CHRM2: variants seen among roughly 807,000 people sequenced by gnomAD.
CHRM2 encodes the protein cholinergic receptor muscarinic 2, also known as muscarinic acetylcholine receptor M2.
CHRM2 carries 8 observed loss-of-function variants against 25.0 expected under a neutral mutation model. The ratio of observed to expected loss-of-function variants is 0.32; its 90% CI spans 0.19 to 0.58. CHRM2 has a LOEUF of 0.58. Among genes scored for constraint, CHRM2 ranks in the 20% least tolerant of loss-of-function variants. The probability of loss-of-function intolerance (pLI) is 0.88; values close to 1 mark genes in which losing one functional copy is unlikely to be tolerated. For synonymous variants in CHRM2, 202 were observed against 205.7 expected, an observed-to-expected ratio of 0.98 and a Z score of 0.15; for missense variants, 440 against 567.1, an observed-to-expected ratio of 0.78 and a Z score of 2.28.
At chr7:136,902,192 T>C in intron 2 of CHRM2, 1 of 146,398 alleles carries the variant, frequency 6.8e-6, no homozygotes, top group East Asian at 1.9e-4. Flanking sequence ...TAAACTCATC[T>C]ATCTATCTAT....
At chr7:136,889,047 CAAAAA>C (rs56915229) in intron 2 of CHRM2, among the ~76,000 whole-genome samples, 4,791 of 66,062 alleles carry the variant, frequency 0.073, 93 homozygotes, top group Non-Finnish European at 0.089. Flanking sequence ...GACTACATCT[CAAAAA>C]AAAAAAAAAA....
chr7:136,879,203 A>G (rs1357637601), intron 2 of CHRM2, among the ~76,000 whole-genome samples: 1 of 152,000 alleles, frequency 6.6e-6, no homozygotes, highest in African/African-American at 2.4e-5. Flanking sequence ...ATATTTATTG[A>G]TGTTTATATA....
chr7:136,941,222 T>C (rs1179853298), intron 2 of CHRM2, among the ~76,000 whole-genome samples: 1 of 152,192 alleles, frequency 6.6e-6, no homozygotes, highest in Non-Finnish European at 1.5e-5. Context: ...GCTTCTTCCA[T>C]GGTATGCAGG....
chr7:136,954,158 T>C (rs1443969093), intron 2 of CHRM2, among the ~76,000 whole-genome samples: 1 of 152,148 alleles, frequency 6.6e-6, no homozygotes, highest in Non-Finnish European at 1.5e-5. Context: ...CCATCTAGAT[T>C]CTTCTCTCCT....
At chr7:136,879,843 G>A (rs1270696934) in intron 2 of CHRM2, among the ~76,000 whole-genome samples, 2 of 151,680 alleles carry the variant, frequency 1.3e-5, no homozygotes, top group Non-Finnish European at 2.9e-5. Context: ...AAAGAAAGGC[G>A]GCCATCTTTA....
intron 2 of CHRM2, among the ~76,000 whole-genome samples, chr7:136,991,249 T>G (rs893795812): frequency 3.3e-5 from 5 of 152,174 alleles, no homozygotes; most frequent in African/African-American, 1.2e-4. Context: ...CTTCTAGGAT[T>G]TTTATAGCTT....
At chr7:136,917,209 T>C (rs1049027102) in intron 2 of CHRM2, among the ~76,000 whole-genome samples, 1 of 151,912 alleles carries the variant, frequency 6.6e-6, no homozygotes, top group Non-Finnish European at 1.5e-5. Context: ...CGCTTACTAT[T>C]AATACCTGCT....
rs199607194 is a variant in CHRM2, at chr7:136,921,793, TC to T, written c.-125+52376del. On this transcript the variant is annotated intron_variant, in intron 2 of 3. Transcript: ENST00000680005. The stretch of plus-strand genomic sequence containing the variant: ...TTCTTTCTTTCTTTCTTTCTTTCTT[TC>T]TTTTTTTTGAGACAGATTCTCACTC... 5.2e-3 allele frequency among the ~76,000 whole-genome samples: 749 copies of T among 142,968 alleles called. 17 individuals carry two copies. The highest frequency in any genetic ancestry group is 0.017 in the African/African-American group (660 of 39,958). The allele number at this position is 142,968 out of a possible 152,430, so 93.8% of individuals were successfully genotyped here.
intron 3 of CHRM2, among the ~76,000 whole-genome samples, chr7:136,992,628 A>C (rs1225195448): frequency 6.6e-6 from 1 of 152,188 alleles, no homozygotes; most frequent in African/African-American, 2.4e-5. Flanking sequence ...CTTAATGATG[A>C]ATTTCCTCTA....
At chr7:136,911,879 C>T (rs925738743) in intron 2 of CHRM2, among the ~76,000 whole-genome samples, 8 of 151,870 alleles carry the variant, frequency 5.3e-5, no homozygotes, top group African/African-American at 9.7e-5. Flanking sequence ...CTTTTTCCAT[C>T]GATTCCATTG....
intron 3 of CHRM2, among the ~76,000 whole-genome samples, chr7:137,001,750 G>A (rs760116026): frequency 6.6e-6 from 1 of 152,118 alleles, no homozygotes; most frequent in Non-Finnish European, 1.5e-5. Flanking sequence ...ACCTGGTTAC[G>A]ACCCCTGAAT....
intron 2 of CHRM2, chr7:136,903,364 C>CT: frequency 1.0e-5 from 4 of 387,408 alleles, no homozygotes; most frequent in South Asian, 8.7e-5. Flanking sequence ...AAAAGGAAGT[C>CT]TTACTCTTCC....
At chr7:136,895,905 A>G (rs1796877782) in intron 2 of CHRM2, among the ~76,000 whole-genome samples, 1 of 152,134 alleles carries the variant, frequency 6.6e-6, no homozygotes, top group Non-Finnish European at 1.5e-5. Context: ...AGCTTGGGAT[A>G]TATTTGGTGT....
chr7:136,886,722 T>C (rs1048097161), intron 2 of CHRM2, among the ~76,000 whole-genome samples: 1 of 151,376 alleles, frequency 6.6e-6, no homozygotes, highest in Non-Finnish European at 1.5e-5. Context: ...AAAAAAAAAA[T>C]CTAGCCAGGT....
At chr7:137,013,344 A>T (rs1804950670) in intron 3 of CHRM2, among the ~76,000 whole-genome samples, 1 of 151,990 alleles carries the variant, frequency 6.6e-6, no homozygotes, top group Admixed American at 6.6e-5. Flanking sequence ...AGCAGAAAAA[A>T]TTATTTTTTT....
At chr7:136,874,581 C>T (rs996659813) in intron 2 of CHRM2, among the ~76,000 whole-genome samples, 10 of 113,140 alleles carry the variant, frequency 8.8e-5, no homozygotes, top group African/African-American at 3.4e-4. Context: ...CCCCTCTCTC[C>T]CCTCTTCCCT....
intron 2 of CHRM2, among the ~76,000 whole-genome samples, chr7:136,982,036 C>G (rs1191673668): frequency 6.6e-6 from 1 of 152,052 alleles, no homozygotes; most frequent in Non-Finnish European, 1.5e-5. Context: ...CTAATATTGA[C>G]AGTGGGGTGT....
chr7:136,992,867 T>C (rs531216184), intron 3 of CHRM2, among the ~76,000 whole-genome samples: 26 of 152,204 alleles, frequency 1.7e-4, no homozygotes, highest in African/African-American at 6.0e-4. Flanking sequence ...TGTTGCAATC[T>C]TGAGGTAGAA....
intron 3 of CHRM2, among the ~76,000 whole-genome samples, chr7:137,010,480 C>T (rs1804730541): frequency 6.6e-6 from 1 of 151,984 alleles, no homozygotes; most frequent in Non-Finnish European, 1.5e-5. Context: ...TAACACCACC[C>T]TATGATGCCG....
Sources: allele counts gnomAD v4.1 joint callset (sites outside exome capture counted in the v4.1 genomes callset), GRCh38; gene constraint gnomAD v4.1.1; transcripts MANE v1.5; gene names NCBI Gene and HGNC (gene_info 2026-07-23, HGNC 2026-07-21).